MCC: variants seen among roughly 807,000 people sequenced by gnomAD.
MCC encodes the protein MCC regulator of Wnt signaling pathway.
Under a neutral mutation model 116.2 loss-of-function variants are expected in MCC, and 90 were observed. The ratio of observed to expected loss-of-function variants is 0.77; its 90% CI spans 0.65 to 0.92. The LOEUF (loss-of-function observed/expected upper bound fraction) is 0.92, where lower values mean the gene tolerates loss of function less well. MCC is among the 40% of genes least tolerant of loss of function. The pLI is 0.00. For missense variants in MCC, 1,516 were observed against 1,312.2 expected (o/e 1.16, Z -2.40); for synonymous variants, 578 against 510.5 (o/e 1.13, Z -1.78).
At chr5:113,089,075 C>T (rs1042616594) in intron 8 of MCC, among the ~76,000 whole-genome samples, 1 of 152,238 alleles carries the variant, frequency 6.6e-6, no homozygotes, top group Non-Finnish European at 1.5e-5. Flanking sequence ...GCACCCTTCA[C>T]AGCCTTTCTC....
chr5:113,264,727 T>A (rs1765356551), intron 3 of MCC, among the ~76,000 whole-genome samples: 1 of 152,182 alleles, frequency 6.6e-6, no homozygotes, highest in Non-Finnish European at 1.5e-5. Context: ...TATATGAAAT[T>A]CACATTTCAG....
At chr5:113,360,282 G>A (rs1157883746) in intron 2 of MCC, among the ~76,000 whole-genome samples, 1 of 152,054 alleles carries the variant, frequency 6.6e-6, no homozygotes. Context: ...TTTCACTTAA[G>A]TTTTCTTAAT....
intron 13 of MCC, among the ~76,000 whole-genome samples, chr5:113,064,370 C>T (rs912292291): frequency 1.3e-5 from 2 of 152,238 alleles, no homozygotes; most frequent in Non-Finnish European, 2.9e-5. Flanking sequence ...TATTTCTCTG[C>T]TCTTTCTCTG....
In MCC at chr5:113,023,582, G is replaced by C. The variant is rs1048305607; in HGVS notation, c.*3720C>G. 1.3e-5 allele frequency: 2 copies of C among 152,172 alleles called. No individual in the cohort carries two copies. The highest frequency in any genetic ancestry group is 2.9e-5 in the Non-Finnish European group (2 of 68,032). 9.4% of individuals were successfully genotyped at this position (152,172 alleles called of 1,614,324 possible). ...CATTACAGAAGTCTCTTACTATTTT[G>C]GCTCTCAAAATACTCTAACTAGTAG... On this transcript the variant is annotated 3_prime_UTR_variant, in exon 19 of 19. Transcript: ENST00000408903.
intron 1 of MCC, among the ~76,000 whole-genome samples, chr5:113,391,257 C>A (rs1393318321): frequency 6.6e-6 from 1 of 152,090 alleles, no homozygotes; most frequent in Non-Finnish European, 1.5e-5. Context: ...GCTAGAAATC[C>A]TTGCCTAGAA....
At chr5:113,039,044 T>G (rs928658869) in intron 17 of MCC, among the ~76,000 whole-genome samples, 2 of 152,064 alleles carry the variant, frequency 1.3e-5, no homozygotes, top group Non-Finnish European at 2.9e-5. Context: ...AGGTAGTATG[T>G]GAGGCTCGCC....
chr5:113,192,705 A>G (rs1189017410), intron 3 of MCC, among the ~76,000 whole-genome samples: 1 of 152,246 alleles, frequency 6.6e-6, no homozygotes, highest in Non-Finnish European at 1.5e-5. Context: ...AAAGCACACA[A>G]CACAGTCCAA....
intron 2 of MCC, among the ~76,000 whole-genome samples, chr5:113,367,228 T>C (rs777923916): frequency 1.3e-5 from 2 of 152,188 alleles, no homozygotes; most frequent in Non-Finnish European, 2.9e-5. Flanking sequence ...TGAAAATACA[T>C]ATTTACAGAT....
intron 5 of MCC, among the ~76,000 whole-genome samples, chr5:113,132,725 C>G (rs955998534): frequency 6.6e-6 from 1 of 152,104 alleles, no homozygotes; most frequent in African/African-American, 2.4e-5. Flanking sequence ...TTGGGTTGTT[C>G]TAATCTGCTA....
intron 3 of MCC, among the ~76,000 whole-genome samples, chr5:113,229,423 T>C (rs1763860488): frequency 6.6e-6 from 1 of 152,244 alleles, no homozygotes; most frequent in South Asian, 2.1e-4. Context: ...CACCTAGTAC[T>C]GTGAAATATC....
intron 1 of MCC, among the ~76,000 whole-genome samples, chr5:113,399,444 C>T (rs1419610483): frequency 2.6e-5 from 4 of 152,030 alleles, no homozygotes; most frequent in African/African-American, 9.7e-5. Context: ...GAGATTGTGC[C>T]ACTGCACTCC....
chr5:113,385,279 T>TG, intron 1 of MCC, 67 bp from the exon 2 acceptor site: 1 of 1,474,138 alleles, frequency 6.8e-7, no homozygotes, highest in East Asian at 2.3e-5. Context: ...AACTGGTTAA[T>TG]GAAAAAAAAA....
chr5:113,062,507 G>T (rs909025283), intron 14 of MCC, among the ~76,000 whole-genome samples: 1 of 152,134 alleles, frequency 6.6e-6, no homozygotes, highest in Non-Finnish European at 1.5e-5. Flanking sequence ...CACATTTCCT[G>T]TCAAGCAAAC....
intron 1 of MCC, among the ~76,000 whole-genome samples, chr5:113,486,415 G>C (rs1772527650): frequency 6.6e-6 from 1 of 152,162 alleles, no homozygotes. Context: ...CTCCCGGGTA[G>C]AATCACCGAA....
At position 113,384,987 on chromosome 5, in the gene MCC, C is replaced by T. The variant is rs368265700; in HGVS notation, c.396G>A (p.Thr132=). The change falls in exon 2 of 19, where the codon ACG becomes ACA. Residue 132 remains threonine, a synonymous_variant. Coordinates refer to ENST00000408903, the MANE Select transcript of MCC (RefSeq NM_001085377.2). ...ACCTACCCAAACTGTTGTCACTGCT[C>T]GTGGGCCAGGAAGCAATTCTATCCC... is the stretch of plus-strand genomic sequence containing the variant. ...KLRDRIASWP[T]SSDNSLGALS... is the part of the protein sequence containing the mutation. 122 of 1,614,174 alleles carry T rather than the reference C, an allele frequency of 7.6e-5. No individual in the cohort carries two copies. In the South Asian group the frequency reaches 8.1e-4, roughly 11 times the overall value.
intron 6 of MCC, among the ~76,000 whole-genome samples, chr5:113,105,850 T>A (rs1373966888): frequency 6.6e-6 from 1 of 152,124 alleles, no homozygotes; most frequent in Non-Finnish European, 1.5e-5. Flanking sequence ...CCATCAACAT[T>A]CATATAAAGT....
At chr5:113,141,607 C>T (rs1284200445) in intron 5 of MCC, among the ~76,000 whole-genome samples, 1 of 152,144 alleles carries the variant, frequency 6.6e-6, no homozygotes, top group Non-Finnish European at 1.5e-5. Context: ...CGTCTAAGTG[C>T]CTTCCAGCCT....
At chr5:113,190,764 G>C (rs1214436275) in intron 3 of MCC, among the ~76,000 whole-genome samples, 1 of 152,230 alleles carries the variant, frequency 6.6e-6, no homozygotes, top group Non-Finnish European at 1.5e-5. Flanking sequence ...GCAAGAGGAA[G>C]TGTATGAAAC....
At chr5:113,397,167 ACATTACCT>A (rs1199187151) in intron 1 of MCC, among the ~76,000 whole-genome samples, 2 of 152,202 alleles carry the variant, frequency 1.3e-5, no homozygotes, top group Non-Finnish European at 2.9e-5. Flanking sequence ...ATCAATTCCA[ACATTACCT>A]AAACAAACAA....
Sources: allele counts gnomAD v4.1 joint callset (sites outside exome capture counted in the v4.1 genomes callset), GRCh38; gene constraint gnomAD v4.1.1; transcripts MANE v1.5; gene names NCBI Gene and HGNC (gene_info 2026-07-23, HGNC 2026-07-21).